The following PDE3A variants were observed in gnomAD, a reference collection of about 807,000 sequenced individuals.
PDE3A encodes cGMP-inhibited 3',5'-cyclic phosphodiesterase 3A.
In PDE3A, 43 loss-of-function variants were observed where a neutral mutation model predicts 98.3. The observed-to-expected ratio is 0.44, with a 90% CI of 0.34 to 0.56. The LOEUF (loss-of-function observed/expected upper bound fraction) is 0.56. Among genes scored for constraint, PDE3A ranks in the 20% least tolerant of loss-of-function variants. The probability of loss-of-function intolerance (pLI) is 0.01; values close to 1 mark genes in which losing one functional copy is unlikely to be tolerated. For synonymous variants in PDE3A, 663 were observed against 567.9 expected (o/e 1.17, Z -2.38); for missense variants, 1,427 against 1,440.7 (o/e 0.99, Z 0.15).
At chr12:20,643,380 G>A (rs1944690900) in intron 10 of PDE3A, among the ~76,000 whole-genome samples, 1 of 152,172 alleles carries the variant, frequency 6.6e-6, no homozygotes. Flanking sequence ...TTTCCTGGGT[G>A]TCTTTGCTCC....
chr12:20,529,974 A>G (rs1339745174), intron 1 of PDE3A, among the ~76,000 whole-genome samples: 1 of 152,082 alleles, frequency 6.6e-6, no homozygotes, highest in Non-Finnish European at 1.5e-5. Flanking sequence ...AGATAAATGC[A>G]CCGTAATTCA....
intron 1 of PDE3A, among the ~76,000 whole-genome samples, chr12:20,436,288 C>G (rs1422574547): frequency 1.3e-5 from 2 of 151,962 alleles, no homozygotes; most frequent in African/African-American, 4.8e-5. Context: ...TTAGCACCAC[C>G]TGGGAGAACG....
At chr12:20,482,545 G>A (rs560034065) in intron 1 of PDE3A, among the ~76,000 whole-genome samples, 4 of 152,296 alleles carry the variant, frequency 2.6e-5, no homozygotes, top group Non-Finnish European at 5.9e-5. Flanking sequence ...AGCTGGCTGA[G>A]CTATAATACA....
intron 1 of PDE3A, among the ~76,000 whole-genome samples, chr12:20,550,654 A>G (rs898893715): frequency 6.6e-6 from 1 of 152,098 alleles, no homozygotes; most frequent in Non-Finnish European, 1.5e-5. Context: ...TGTACCCAAA[A>G]TTGTGTGCTA....
Position 20,438,025 on chromosome 12 carries a change from A to G in PDE3A, c.960+67781A>G, listed in dbSNP as rs1166160981. ...TCAAAGCAGGAAATCATTTTGTTAC[A>G]ATTGTCTTACAAAGCAGCCCTGTGC... On this transcript the variant is annotated intron_variant, in intron 1 of 15. Coordinates refer to ENST00000359062, the MANE Select transcript of PDE3A (RefSeq NM_000921.5). Among the ~76,000 whole-genome samples the G allele has an allele frequency of 3.3e-5, 5 of 151,972 alleles. No homozygotes were observed. In the East Asian group the frequency reaches 9.7e-4, roughly 29 times the overall value.
At chr12:20,536,344 G>A (rs1443598772) in intron 1 of PDE3A, among the ~76,000 whole-genome samples, 1 of 18,484 alleles carries the variant, frequency 5.4e-5, no homozygotes, top group Non-Finnish European at 8.4e-5. Context: ...ACTGTGAGGT[G>A]TGTGTGTGTG....
At chr12:20,406,485 G>A (rs1433781646) in intron 1 of PDE3A, among the ~76,000 whole-genome samples, 3 of 152,144 alleles carry the variant, frequency 2.0e-5, no homozygotes, top group Non-Finnish European at 4.4e-5. Context: ...TACTGAAGTT[G>A]AGCACCTTTT....
chr12:20,377,041 G>A (rs1334229956), intron 1 of PDE3A, among the ~76,000 whole-genome samples: 1 of 151,656 alleles, frequency 6.6e-6, no homozygotes, highest in African/African-American at 2.4e-5. Context: ...CTGGTTACAG[G>A]GGGCACATAT....
intron 9 of PDE3A, among the ~76,000 whole-genome samples, chr12:20,639,477 A>T (rs1592137854): frequency 6.6e-6 from 1 of 152,124 alleles, no homozygotes; most frequent in Admixed American, 6.6e-5. Flanking sequence ...TGAGTTTATA[A>T]GAACAAAAAT....
Position 20,372,233 on chromosome 12 carries a change from C to T in PDE3A, c.960+1989C>T, listed in dbSNP as rs140632602. ...ATATTTAATGTTTTGCTGATTAATG[C>T]TGTTGGAAAATGCATAATCGCAATC... On this transcript the variant is annotated intron_variant, in intron 1 of 15. Transcript: ENST00000359062. 2.2e-4 allele frequency among the ~76,000 whole-genome samples: 34 copies of T among 152,178 alleles called. No homozygotes were observed. In the East Asian group the frequency reaches 6.2e-3, roughly 28 times the overall value.
At chr12:20,454,189 CA>C (rs1565554612) in intron 1 of PDE3A, among the ~76,000 whole-genome samples, 1 of 152,190 alleles carries the variant, frequency 6.6e-6, no homozygotes, top group Non-Finnish European at 1.5e-5. Context: ...ACCCGTTAAG[CA>C]TATATCTTTA....
In PDE3A at chr12:20,552,620, G is replaced by A. The variant is rs570333807; in HGVS notation, c.961-4040G>A. ...CCGAGCAGGGCCGGGTCCCCGCGCCGGACATCCAAGAAAACCAAGGTGGAG... is the reference window on the plus strand; with the variant it reads ...CCGAGCAGGGCCGGGTCCCCGCGCCAGACATCCAAGAAAACCAAGGTGGAG... On this transcript the variant is annotated intron_variant, in intron 1 of 15. Coordinates refer to ENST00000359062, the MANE Select transcript of PDE3A (RefSeq NM_000921.5). The surrounding 1 kb of genome is among the most constrained non-coding windows in gnomAD (Gnocchi z 5.1). The A allele has an allele frequency of 1.4e-4, 221 of 1,613,670 alleles. No homozygotes were observed. Among genetic ancestry groups the A allele is most frequent in the Non-Finnish European group, 1.8e-4 (214 of 1,179,752 alleles).
Position 20,646,615 on chromosome 12 carries a change from G to T in PDE3A, c.2365+12G>T. 6.7e-7 allele frequency: 1 copy of T among 1,483,954 alleles called. No individual in the cohort carries two copies. Among genetic ancestry groups the T allele is most frequent in the South Asian group, 1.1e-5 (1 of 88,472 alleles). The allele number at this position is 1,483,954 out of a possible 1,614,324, so 91.9% of individuals were successfully genotyped here. The stretch of plus-strand genomic sequence containing the variant: ...AACCAGTGATTCAGGTATGTACGAA[G>T]TGAATCTGCACTGCCTTATGAAAGA... On this transcript the variant is annotated intron_variant, in intron 11 of 15. Coordinates refer to ENST00000359062, the MANE Select transcript of PDE3A (RefSeq NM_000921.5).
At chr12:20,576,574 G>A (rs1942937295) in intron 2 of PDE3A, among the ~76,000 whole-genome samples, 1 of 152,106 alleles carries the variant, frequency 6.6e-6, no homozygotes, top group Non-Finnish European at 1.5e-5. Context: ...CTTACATGAT[G>A]TGAAAGGACT....
chr12:20,613,424 G>T lies in PDE3A; in HGVS notation c.1012-19G>T. 1 of 1,613,484 alleles carries T rather than the reference G, an allele frequency of 6.2e-7. No homozygotes were observed. On this transcript the variant is annotated intron_variant, in intron 2 of 15. Coordinates refer to ENST00000359062, the MANE Select transcript of PDE3A (RefSeq NM_000921.5). ...TTCAGGCCTTTTCTTGCCTGATCTTGTCTTGGTTTGTGTCTCAGTCTTCAG... is the reference window on the plus strand; with the variant it reads ...TTCAGGCCTTTTCTTGCCTGATCTTTTCTTGGTTTGTGTCTCAGTCTTCAG...
intron 3 of PDE3A, among the ~76,000 whole-genome samples, chr12:20,615,599 T>A (rs1317308149): frequency 6.6e-6 from 1 of 152,176 alleles, no homozygotes; most frequent in Non-Finnish European, 1.5e-5. Context: ...AATATGTGTG[T>A]ATAGGTGTGT....
rs186946472 is a variant in PDE3A at position 20,565,495 on chromosome 12, C to T, written c.1011+8785C>T. Among the ~76,000 whole-genome samples the T allele has an allele frequency of 1.8e-4, 27 of 151,940 alleles. No individual in the cohort carries two copies. The East Asian group carries it at 4.3e-3, about 24-fold the overall frequency. ...ATTGTGCCAAAAATAATCAGCTTCT[C>T]ATAGAAGATTAAAATCTAAGACTAG... On this transcript the variant is annotated intron_variant, in intron 2 of 15. Coordinates refer to ENST00000359062, the MANE Select transcript of PDE3A (RefSeq NM_000921.5).
At chr12:20,669,700 C>T (rs1246523716) in intron 15 of PDE3A, among the ~76,000 whole-genome samples, 1 of 151,938 alleles carries the variant, frequency 6.6e-6, no homozygotes, top group Non-Finnish European at 1.5e-5. Context: ...CTGAAGGAAG[C>T]ACTAAACATG....
At chr12:20,381,166 T>C (rs1015940110) in intron 1 of PDE3A, among the ~76,000 whole-genome samples, 5 of 151,862 alleles carry the variant, frequency 3.3e-5, no homozygotes, top group African/African-American at 1.2e-4. Flanking sequence ...CTAGAGCTTT[T>C]AAGTGTTTTT....
Sources: allele counts gnomAD v4.1 joint callset (sites outside exome capture counted in the v4.1 genomes callset), GRCh38; gene constraint gnomAD v4.1.1; non-coding constraint Gnocchi (gnomAD v3.1); transcripts MANE v1.5; gene names NCBI Gene and HGNC (gene_info 2026-07-23, HGNC 2026-07-21).